Variants in LYPLAL1 observed in about 807,000 individuals in gnomAD.
The protein encoded by LYPLAL1 is lysophospholipase like 1.
A neutral mutation model predicts 19.7 loss-of-function variants in LYPLAL1; 23 were observed. The ratio of observed to expected loss-of-function variants is 1.17; its 90% CI spans 0.84 to 1.65. The LOEUF (loss-of-function observed/expected upper bound fraction) is 1.65. Among genes scored for constraint, LYPLAL1 ranks in the 40% most tolerant of loss-of-function variants. The pLI is 0.00. For synonymous variants in LYPLAL1, 119 were observed against 96.3 expected, an observed-to-expected ratio of 1.24 and a Z score of -1.38; for missense variants, 355 against 279.4, an observed-to-expected ratio of 1.27 and a Z score of -1.93.
At chr1:219,347,968 G>GA in the LYPLAL1 span, among the ~76,000 whole-genome samples, 48 of 150,768 alleles carry the variant, frequency 3.2e-4, no homozygotes, top group African/African-American at 7.8e-4. Context: ...CCATGGAAAA[G>GA]AAAAAAAAAT....
chr1:219,299,418 A>C, the LYPLAL1 span, among the ~76,000 whole-genome samples: 1 of 152,314 alleles, frequency 6.6e-6, no homozygotes, highest in African/African-American at 2.4e-5. Context: ...ATATGAAATA[A>C]CAGACTCAAA....
At chr1:219,417,324 A>T in the LYPLAL1 span, among the ~76,000 whole-genome samples, 1 of 152,336 alleles carries the variant, frequency 6.6e-6, no homozygotes, top group South Asian at 2.1e-4. Flanking sequence ...CAATACTCTA[A>T]AATTTAAAAC....
At chr1:219,432,310 C>T in the LYPLAL1 span, among the ~76,000 whole-genome samples, 6 of 152,216 alleles carry the variant, frequency 3.9e-5, no homozygotes, top group Admixed American at 6.5e-5. Flanking sequence ...GCTTTCTTAA[C>T]CACATCACTT....
At chr1:219,299,492 G>A in the LYPLAL1 span, among the ~76,000 whole-genome samples, 1 of 152,200 alleles carries the variant, frequency 6.6e-6, no homozygotes, top group Non-Finnish European at 1.5e-5. Context: ...GAATACTGGT[G>A]TTTACCGAGA....
the LYPLAL1 span, among the ~76,000 whole-genome samples, chr1:219,293,642 C>G: frequency 6.6e-6 from 1 of 152,304 alleles, no homozygotes; most frequent in East Asian, 1.9e-4. Context: ...TTACAAAACA[C>G]GAAACAGCAT....
At chr1:219,286,456 G>C in the LYPLAL1 span, among the ~76,000 whole-genome samples, 1 of 152,284 alleles carries the variant, frequency 6.6e-6, no homozygotes, top group Non-Finnish European at 1.5e-5. Context: ...GGCTTGCAGA[G>C]GGGAGGTCAG....
intron 1 of LYPLAL1, among the ~76,000 whole-genome samples, chr1:219,177,351 TTCTC>T (rs1655901637): frequency 6.6e-6 from 1 of 152,206 alleles, no homozygotes; most frequent in Non-Finnish European, 1.5e-5. Context: ...TAGTTTTCCC[TTCTC>T]TCTCTTTTTG....
the LYPLAL1 span, among the ~76,000 whole-genome samples, chr1:219,284,496 A>G: frequency 3.9e-5 from 6 of 152,328 alleles, no homozygotes; most frequent in African/African-American, 1.4e-4. Context: ...GCAATAATAT[A>G]TACACCTACT....
At chr1:219,310,999 A>C in the LYPLAL1 span, among the ~76,000 whole-genome samples, 1 of 152,208 alleles carries the variant, frequency 6.6e-6, no homozygotes, top group Non-Finnish European at 1.5e-5. Flanking sequence ...GAGAGAGATT[A>C]AATATTCACT....
chr1:219,326,993 G>A, the LYPLAL1 span, among the ~76,000 whole-genome samples: 1 of 152,212 alleles, frequency 6.6e-6, no homozygotes, highest in African/African-American at 2.4e-5. Flanking sequence ...CAACTACTCA[G>A]GAGGCTGAGG....
the LYPLAL1 span, among the ~76,000 whole-genome samples, chr1:219,320,367 A>T: frequency 6.6e-6 from 1 of 152,108 alleles, no homozygotes; most frequent in Non-Finnish European, 1.5e-5. Context: ...CCCACTGTGA[A>T]GCAGCAATCC....
the LYPLAL1 span, among the ~76,000 whole-genome samples, chr1:219,220,924 T>C: frequency 6.6e-6 from 1 of 152,194 alleles, no homozygotes; most frequent in South Asian, 2.1e-4. Context: ...TGAAAAAGTG[T>C]TAATTGCAGT....
At chr1:219,222,461 C>T in the LYPLAL1 span, 3 of 152,106 alleles carry the variant, frequency 2.0e-5, no homozygotes, top group African/African-American at 7.2e-5. Context: ...TGAAAGCAGG[C>T]ATGCGTAGTT....
At chr1:219,365,631 C>A in the LYPLAL1 span, among the ~76,000 whole-genome samples, 2 of 152,100 alleles carry the variant, frequency 1.3e-5, no homozygotes, top group Non-Finnish European at 2.9e-5. Context: ...CCAGACCAGA[C>A]CCCCTCTTCA....
At chr1:219,366,917 A>C in the LYPLAL1 span, among the ~76,000 whole-genome samples, 1 of 152,104 alleles carries the variant, frequency 6.6e-6, no homozygotes, top group African/African-American at 2.4e-5. Flanking sequence ...AATGAAAAAA[A>C]TTAAATGATT....
the LYPLAL1 span, among the ~76,000 whole-genome samples, chr1:219,264,026 G>C: frequency 6.6e-6 from 1 of 152,116 alleles, no homozygotes. Flanking sequence ...CCAACTGGGA[G>C]CTGCCCATTA....
At chr1:219,405,998 C>T in the LYPLAL1 span, among the ~76,000 whole-genome samples, 12 of 152,170 alleles carry the variant, frequency 7.9e-5, no homozygotes, top group Non-Finnish European at 1.5e-5. Flanking sequence ...GTGTCCCTTC[C>T]ACCTATTTTT....
the LYPLAL1 span, among the ~76,000 whole-genome samples, chr1:219,309,029 G>T: frequency 1.9e-3 from 291 of 152,150 alleles, 1 homozygote; most frequent in African/African-American, 6.8e-3. Flanking sequence ...AGCCACAGGG[G>T]CGGAATTGCC....
the LYPLAL1 span, among the ~76,000 whole-genome samples, chr1:219,226,504 C>T: frequency 6.6e-6 from 1 of 152,072 alleles, no homozygotes. Context: ...GTTCTTAACC[C>T]TTCTCAACAC....
Sources: gnomAD v4.1 joint callset for allele counts (sites outside exome capture counted in the v4.1 genomes callset) on GRCh38, gnomAD v4.1.1 for gene constraint, MANE v1.5 for transcripts, NCBI Gene and HGNC (gene_info 2026-07-23, HGNC 2026-07-21) for gene names.